STX7: variants seen among roughly 807,000 people sequenced by gnomAD.
STX7 encodes syntaxin 7, also known as syntaxin-7.
STX7 carries 34 observed loss-of-function variants against 39.6 expected under a neutral mutation model. The ratio of observed to expected loss-of-function variants is 0.86; its 90% CI spans 0.65 to 1.14. The LOEUF is 1.14. STX7 is among the 50% of genes most tolerant of loss of function. STX7 has a pLI of 0.00. For synonymous variants in STX7, 119 were observed against 99.1 expected (o/e 1.20, Z -1.19); for missense variants, 284 against 310.4 (o/e 0.92, Z 0.64).
At chr6:132,506,796 A>C (rs1775715644) in intron 1 of STX7, among the ~76,000 whole-genome samples, 2 of 152,002 alleles carry the variant, frequency 1.3e-5, no homozygotes, top group Admixed American at 1.3e-4. Flanking sequence ...GTATCTACCC[A>C]AAAGAAAAAA....
In STX7 at chr6:132,448,207, T is replaced by C. The variant is rs1300148710; in HGVS notation, c.*12551A>G. The C allele has an allele frequency of 3.3e-5, 5 of 152,210 alleles. No individual in the cohort carries two copies. Among genetic ancestry groups the C allele is most frequent in the South Asian group, 2.1e-4 (1 of 4,830 alleles). The allele number at this position is 152,210 out of a possible 1,614,324, so 9.4% of individuals were successfully genotyped here. ...CCTGAGTTATGTAAAATGTTGCTAG[T>C]ATTTTAATTACGCTCTTTTTTACTC... On this transcript the variant is annotated 3_prime_UTR_variant, in exon 10 of 10. Coordinates refer to ENST00000367941, the MANE Select transcript of STX7 (RefSeq NM_003569.3).
chr6:132,488,374 T>C (rs756586870), intron 2 of STX7, among the ~76,000 whole-genome samples: 116 of 152,344 alleles, frequency 7.6e-4, no homozygotes, highest in Non-Finnish European at 1.2e-3. Context: ...TTGAATAGAC[T>C]GTTCTATAAG....
At chr6:132,496,717 A>T (rs1775427838) in intron 2 of STX7, among the ~76,000 whole-genome samples, 1 of 152,154 alleles carries the variant, frequency 6.6e-6, no homozygotes, top group Admixed American at 6.6e-5. Flanking sequence ...ACATGAGAAA[A>T]CCATGTCTTG....
intron 3 of STX7, chr6:132,475,318 T>TTCA (rs1240563272): frequency 2.0e-5 from 4 of 203,730 alleles, no homozygotes; most frequent in Middle Eastern, 1.7e-3. Context: ...GAGACGGGGT[T>TTCA]TCACCATATT....
chr6:132,509,041 C>G (rs1000604018), intron 1 of STX7, among the ~76,000 whole-genome samples: 1 of 152,068 alleles, frequency 6.6e-6, no homozygotes, highest in Non-Finnish European at 1.5e-5. Context: ...TATCATTATG[C>G]CTCATTATCA....
At chr6:132,481,584 A>T (rs1775016533) in intron 2 of STX7, among the ~76,000 whole-genome samples, 1 of 152,210 alleles carries the variant, frequency 6.6e-6, no homozygotes, top group Non-Finnish European at 1.5e-5. Context: ...ATTTTTTAAG[A>T]TAATACAATG....
chr6:132,488,503 T>G (rs912419401), intron 2 of STX7, among the ~76,000 whole-genome samples: 2 of 152,228 alleles, frequency 1.3e-5, no homozygotes, highest in African/African-American at 4.8e-5. Flanking sequence ...GCTTTGTCTA[T>G]TTTCCTTGCA....
rs1562343576 is a variant in STX7, at chr6:132,509,476, ACAT to A, written c.-59+3528_-59+3530del. Among the ~76,000 whole-genome samples, 13 of 86,304 alleles carry A rather than the reference ACAT, an allele frequency of 1.5e-4. No homozygotes were observed. The South Asian group carries it at 1.6e-3, about 11-fold the overall frequency. The allele number at this position is 86,304 out of a possible 152,430, so 56.6% of individuals were successfully genotyped here. A position where few individuals can be genotyped will look rare whatever the true frequency, so the allele number is the denominator to read the frequency against. On this transcript the variant is annotated intron_variant, in intron 1 of 9. Transcript: ENST00000367941. ...AAATAACATAACATAACATAACATA[ACAT>A]AACATAACATAACATAACATAACAT...
At chr6:132,500,408 C>T (rs1775529482) in intron 2 of STX7, among the ~76,000 whole-genome samples, 1 of 152,120 alleles carries the variant, frequency 6.6e-6, no homozygotes, top group African/African-American at 2.4e-5. Context: ...ATTTCAAGCC[C>T]AGGTCTGCTT....
chr6:132,513,338 C>CT (rs1252644353), upstream of STX7: 2 of 152,274 alleles, frequency 1.3e-5, no homozygotes, highest in Non-Finnish European at 2.9e-5. Flanking sequence ...CAGTTGTCTT[C>CT]TTTATCTGGT....
chr6:132,510,013 G>A (rs906616990), intron 1 of STX7, among the ~76,000 whole-genome samples: 3 of 152,132 alleles, frequency 2.0e-5, no homozygotes, highest in East Asian at 1.9e-4. Context: ...ACCTAGACCT[G>A]TACTAACAGA....
Position 132,447,272 on chromosome 6 carries a change from T to C in STX7, c.*13486A>G, listed in dbSNP as rs1173081815. The C allele has an allele frequency of 2.0e-5, 3 of 152,326 alleles. No individual in the cohort carries two copies. Among genetic ancestry groups the C allele is most frequent in the Middle Eastern group, 3.4e-3 (1 of 294 alleles). The allele number at this position is 152,326 out of a possible 1,614,324, so 9.4% of individuals were successfully genotyped here. ...CGTTTCTTATCAGTCAACAAAACTATTTCCAGAGAGGCTTGAAATAAAACA... is the reference window on the plus strand; with the variant it reads ...CGTTTCTTATCAGTCAACAAAACTACTTCCAGAGAGGCTTGAAATAAAACA... On this transcript the variant is annotated 3_prime_UTR_variant, in exon 10 of 10. Transcript: ENST00000367941.
At chr6:132,499,452 C>T (rs1219548096) in intron 2 of STX7, among the ~76,000 whole-genome samples, 2 of 149,226 alleles carry the variant, frequency 1.3e-5, no homozygotes, top group East Asian at 4.0e-4. Flanking sequence ...GGGTGCTTCT[C>T]CTTCCCTTCC....
In STX7 at chr6:132,470,017, A is replaced by C; in HGVS notation, c.471T>G (p.Asp157Glu). Reference sequence around the variant, plus strand: ...GGAGGTCATCCTCTGTAATTTCTTCATCCTGCACCTGCACTTGAGGTTGAG... The same window carrying C: ...GGAGGTCATCCTCTGTAATTTCTTCCTCCTGCACCTGCACTTGAGGTTGAG... ...SQTQPQVQVQDEEITEDDLRL... is the reference protein window; with the variant it reads ...SQTQPQVQVQEEEITEDDLRL... Residue 157 changes from aspartate (D) to glutamate (E), a missense_variant, in exon 7 of 10, where the codon GAT (aspartate) becomes GAG (glutamate). Physicochemically the swap from Asp to Glu is conservative, Grantham distance 45. Coordinates refer to ENST00000367941, the MANE Select transcript of STX7 (RefSeq NM_003569.3). 1 of 1,592,946 alleles carries C rather than the reference A, an allele frequency of 6.3e-7. No individual in the cohort carries two copies. The highest frequency in any genetic ancestry group is 8.5e-7 in the Non-Finnish European group (1 of 1,173,688).
chr6:132,490,487 G>A (rs79478932), intron 2 of STX7, among the ~76,000 whole-genome samples: 3,554 of 152,222 alleles, frequency 0.023, 127 homozygotes, highest in African/African-American at 0.08. Flanking sequence ...TATAGAATGG[G>A]GGAGCAGGTA....
intron 7 of STX7, 60 bp downstream of exon 7, chr6:132,469,891 T>A (rs1774669132): frequency 1.4e-6 from 2 of 1,380,110 alleles, no homozygotes; most frequent in South Asian, 1.3e-5. Context: ...TACCTAAGCA[T>A]CTTGAGAACA....
At chr6:132,501,199 T>A (rs547417164) in intron 2 of STX7, among the ~76,000 whole-genome samples, 1 of 152,176 alleles carries the variant, frequency 6.6e-6, no homozygotes, top group East Asian at 1.9e-4. Context: ...ATTACAGGCA[T>A]ATGCCACAAC....
In STX7 at chr6:132,450,641, CACTT is replaced by C. The variant is rs1215677390; in HGVS notation, c.*10113_*10116del. The C allele has an allele frequency of 1.3e-5, 2 of 152,004 alleles. No individual in the cohort carries two copies. The highest frequency in any genetic ancestry group is 4.8e-5 in the African/African-American group (2 of 41,392). The allele number at this position is 152,004 out of a possible 1,614,324, so 9.4% of individuals were successfully genotyped here. On this transcript the variant is annotated 3_prime_UTR_variant, in exon 10 of 10. Transcript: ENST00000367941. ...GAAAAATGCAGGAATCAATATGAAA[CACTT>C]AATTGATAGGCTCAATAGCAGAATG...
intron 2 of STX7, among the ~76,000 whole-genome samples, chr6:132,493,980 T>C (rs1049234188): frequency 2.0e-5 from 3 of 152,154 alleles, no homozygotes; most frequent in Non-Finnish European, 4.4e-5. Flanking sequence ...TGTTGGAAAA[T>C]AACTAGTCAT....
Sources: gnomAD v4.1 joint callset for allele counts (sites outside exome capture counted in the v4.1 genomes callset) on GRCh38, gnomAD v4.1.1 for gene constraint, MANE v1.5 for transcripts, NCBI Gene and HGNC (gene_info 2026-07-23, HGNC 2026-07-21) for gene names.